Variants in ZMYM6 observed in about 807,000 individuals in gnomAD.
ZMYM6 encodes zinc finger MYM-type protein 6.
A neutral mutation model predicts 134.0 loss-of-function variants in ZMYM6; 90 were observed. That is an observed-to-expected ratio of 0.67 (90% CI 0.57 to 0.80). ZMYM6 has a LOEUF of 0.80. Among genes scored for constraint, ZMYM6 ranks in the 30% least tolerant of loss-of-function variants. ZMYM6 has a pLI of 0.00. For missense variants in ZMYM6, 1,362 were observed against 1,533.9 expected, an observed-to-expected ratio of 0.89 and a Z score of 1.87; for synonymous variants, 481 against 524.1, an observed-to-expected ratio of 0.92 and a Z score of 1.12.
intron 13 of ZMYM6, among the ~76,000 whole-genome samples, 172 bp downstream of exon 13, chr1:35,004,960 A>C (rs1411493005): frequency 6.6e-6 from 1 of 152,142 alleles, no homozygotes; most frequent in Non-Finnish European, 1.5e-5. Context: ...CGGGAGGCTG[A>C]GGCAGGAGAA....
chr1:35,019,221 C>A (rs1569786597), intron 4 of ZMYM6, 132 bp downstream of exon 4: 1 of 1,321,794 alleles, frequency 7.6e-7, no homozygotes. Context: ...TTGGTGAATT[C>A]TTCCATTAAC....
intron 14 of ZMYM6, among the ~76,000 whole-genome samples, chr1:35,001,814 A>G (rs190492794): frequency 6.6e-6 from 1 of 152,336 alleles, no homozygotes; most frequent in Non-Finnish European, 1.5e-5. Flanking sequence ...ATAATGAGAG[A>G]GTTACGAGAC....
chr1:35,020,567 CCTTTT>C (rs1641290091), intron 2 of ZMYM6, 100 bp from the exon 3 acceptor site: 1 of 554,088 alleles, frequency 1.8e-6, no homozygotes, highest in Non-Finnish European at 2.5e-6. Context: ...CTATTCATCT[CCTTTT>C]TTTTTTTTTT....
At position 35,008,941 on chromosome 1, in the gene ZMYM6, T is replaced by C. The variant is rs377160489; in HGVS notation, c.1493-17A>G. On this transcript the variant is annotated splice_polypyrimidine_tract_variant and intron_variant, in intron 10 of 15. Transcript: ENST00000357182. ...ATTTGCAAACTGAGGATCAGAGGGA[T>C]GAAAGGAAGAAAAATCAAATTTACA... is the stretch of plus-strand genomic sequence containing the variant. 1 of 1,598,078 alleles carries C rather than the reference T, an allele frequency of 6.3e-7. No individual in the cohort carries two copies. Among genetic ancestry groups the C allele is most frequent in the Non-Finnish European group, 8.5e-7 (1 of 1,172,810 alleles).
intron 3 of ZMYM6, 22 bp from the exon 4 acceptor site, chr1:35,019,624 AG>A (rs765330420): frequency 6.4e-7 from 1 of 1,562,372 alleles, no homozygotes; most frequent in African/African-American, 1.4e-5. Flanking sequence ...AAATAAAAAA[AG>A]TTTTAGTATC....
intron 15 of ZMYM6, chr1:34,989,657 T>C (rs1265173771): frequency 6.6e-6 from 1 of 152,124 alleles, no homozygotes; most frequent in East Asian, 1.9e-4. Context: ...TCCCAGCACT[T>C]TGGGAGGCCA....
chr1:35,016,100 G>A (rs1641183425), intron 4 of ZMYM6, among the ~76,000 whole-genome samples: 1 of 151,824 alleles, frequency 6.6e-6, no homozygotes, highest in South Asian at 2.1e-4. Flanking sequence ...ACCAGCACGT[G>A]CCACCATGCC....
Position 34,988,207 on chromosome 1 carries a change from C to A in ZMYM6, c.2875G>T (p.Glu959Ter), listed in dbSNP as rs1640606553. 6.5e-7 allele frequency: 1 copy of A among 1,547,934 alleles called. No homozygotes were observed. The highest frequency in any genetic ancestry group is 1.4e-5 in the African/African-American group (1 of 72,838). ...PTQITGFEIF[E>*]LINKYIDSKS... ...CTATCAATATATTTATTTATTAGTT[C>A]AAATATTTCAAAGCCAGTTATTTGA... Residue 959 changes from glutamate (E) to a stop codon, truncating the protein, a stop_gained, in exon 16 of 16, where the codon GAA (glutamate) becomes TAA (stop). Transcript: ENST00000357182. LOFTEE classifies it high-confidence loss of function.
At chr1:34,995,171 G>GTA (rs372417902) in intron 14 of ZMYM6, among the ~76,000 whole-genome samples, 84 of 143,614 alleles carry the variant, frequency 5.8e-4, no homozygotes, top group Admixed American at 7.7e-4. Context: ...ATGTATGTGT[G>GTA]TATATATATA....
Position 35,012,580 on chromosome 1 carries a change from T to C in ZMYM6, c.797A>G (p.Asn266Ser). ...GGCATATGGAGGAATTTGGGCAGAATTCTATTAAAATAAAATAACATTAGA... is the reference window on the plus strand; with the variant it reads ...GGCATATGGAGGAATTTGGGCAGAACTCTATTAAAATAAAATAACATTAGA... ...SSTSVTAYKQ[N>S]SAQIPPYALG... Residue 266 changes from asparagine (N) to serine (S), a missense_variant and splice_region_variant, in exon 7 of 16, where the codon AAT becomes AGT. Transcript: ENST00000357182. The C allele has an allele frequency of 6.2e-7, 1 of 1,613,274 alleles. No individual in the cohort carries two copies. Among genetic ancestry groups the C allele is most frequent in the Non-Finnish European group, 8.5e-7 (1 of 1,179,684 alleles).
At chr1:34,998,797 A>G (rs534143790) in intron 14 of ZMYM6, among the ~76,000 whole-genome samples, 49 of 152,336 alleles carry the variant, frequency 3.2e-4, no homozygotes, top group African/African-American at 1.2e-3. Context: ...TAAATCTAGA[A>G]GGAATCAATC....
chr1:34,990,834 A>C (rs1191195335), intron 15 of ZMYM6, among the ~76,000 whole-genome samples: 1 of 149,774 alleles, frequency 6.7e-6, no homozygotes, highest in African/African-American at 2.6e-5. Context: ...GTCAAATGAA[A>C]AAGTAATTTC....
intron 14 of ZMYM6, among the ~76,000 whole-genome samples, chr1:34,997,459 C>T (rs1640803848): frequency 6.6e-6 from 1 of 152,148 alleles, no homozygotes; most frequent in African/African-American, 2.4e-5. Flanking sequence ...CATGTGCCAA[C>T]ACATTCAGCT....
Position 35,012,537 on chromosome 1 carries a change from C to T in ZMYM6, c.840G>A (p.Arg280=). ...IPPYALGKSL[R]PSAEMIETTN... is the part of the protein sequence containing the mutation. ...TAGTCTCAATCATTTCAGCTGAGGGCCTCAATGACTTCCCCAGGGCATATG... is the reference window on the plus strand; with the variant it reads ...TAGTCTCAATCATTTCAGCTGAGGGTCTCAATGACTTCCCCAGGGCATATG... Residue 280 remains arginine, a synonymous_variant, in exon 7 of 16, where the codon AGG becomes AGA. Transcript: ENST00000357182. 6.2e-7 allele frequency: 1 copy of T among 1,613,320 alleles called. No homozygotes were observed. The highest frequency in any genetic ancestry group is 1.7e-5 in the Admixed American group (1 of 59,938).
intron 2 of ZMYM6, among the ~76,000 whole-genome samples, chr1:35,025,415 C>A (rs1387020371): frequency 3.6e-5 from 5 of 139,282 alleles, no homozygotes; most frequent in Non-Finnish European, 6.0e-5. Flanking sequence ...TGCAGTGAAC[C>A]GAGATGGCGC....
intron 14 of ZMYM6, among the ~76,000 whole-genome samples, chr1:34,999,963 C>G (rs1640851594): frequency 6.6e-6 from 1 of 152,184 alleles, no homozygotes; most frequent in African/African-American, 2.4e-5. Flanking sequence ...GGGTCTCACT[C>G]TGTCACCCAG....
Position 35,017,586 on chromosome 1 carries a change from CAAT to C in ZMYM6, c.428+1764_428+1766del, listed in dbSNP as rs1336228474. The C allele has an allele frequency of 6.6e-5, 10 of 152,302 alleles. 1 individual carries two copies. The highest frequency in any genetic ancestry group is 2.2e-4 in the African/African-American group (9 of 41,576). 9.4% of individuals were successfully genotyped at this position (152,302 alleles called of 1,614,324 possible). A position where few individuals can be genotyped will look rare whatever the true frequency, so the allele number is the denominator to read the frequency against. Reference sequence around the variant, plus strand: ...ACCGTAGAAAAACCACACCTTCCAACAATAACATAGCTCAAAACATTTTTCTAA... The same window carrying C: ...ACCGTAGAAAAACCACACCTTCCAACAACATAGCTCAAAACATTTTTCTAA... On this transcript the variant is annotated intron_variant, in intron 4 of 15. Transcript: ENST00000357182.
chr1:34,999,492 C>T (rs1375276756), intron 14 of ZMYM6, among the ~76,000 whole-genome samples: 2 of 152,030 alleles, frequency 1.3e-5, no homozygotes, highest in African/African-American at 4.8e-5. Context: ...AGATGTAGGA[C>T]TGCATATTTT....
At chr1:35,019,292 A>G in intron 4 of ZMYM6, 61 bp downstream of exon 4, 1 of 1,606,176 alleles carries the variant, frequency 6.2e-7, no homozygotes, top group South Asian at 1.1e-5. Context: ...GTATGTTTGA[A>G]CTAAACAATA....
Sources: gnomAD v4.1 joint callset for allele counts (sites outside exome capture counted in the v4.1 genomes callset) on GRCh38, gnomAD v4.1.1 for gene constraint, MANE v1.5 for transcripts, NCBI Gene and HGNC (gene_info 2026-07-23, HGNC 2026-07-21) for gene names.